KCNIP4: variants seen among roughly 807,000 people sequenced by gnomAD.
KCNIP4 encodes the protein potassium voltage-gated channel interacting protein 4, also known as Kv channel-interacting protein 4.
KCNIP4 carries 12 observed loss-of-function variants against 34.0 expected under a neutral mutation model. That is an observed-to-expected ratio of 0.35 (90% CI 0.23 to 0.57). KCNIP4 has a LOEUF of 0.57. Ranked by LOEUF, KCNIP4 falls within the 20% of genes least tolerant of loss-of-function variation. The pLI is 0.83. For missense variants in KCNIP4, 238 were observed against 311.7 expected (o/e 0.76, Z 1.78); for synonymous variants, 124 against 102.2 (o/e 1.21, Z -1.29).
chr4:21,234,702 C>T (rs1162372257), intron 1 of KCNIP4, among the ~76,000 whole-genome samples: 2 of 150,194 alleles, frequency 1.3e-5, no homozygotes, highest in African/African-American at 4.9e-5. Context: ...GGCTGGAGTA[C>T]AGTGGTGCAA....
At chr4:21,663,953 C>T (rs1056433766) in intron 1 of KCNIP4, among the ~76,000 whole-genome samples, 1 of 151,320 alleles carries the variant, frequency 6.6e-6, no homozygotes, top group South Asian at 2.1e-4. Context: ...TGTTTTGTTT[C>T]TTTTTTTTTG....
intron 1 of KCNIP4, among the ~76,000 whole-genome samples, chr4:21,597,575 C>T (rs986177184): frequency 2.0e-5 from 3 of 152,118 alleles, no homozygotes; most frequent in Non-Finnish European, 4.4e-5. Context: ...CCATCAAAGC[C>T]ACTTTCCTTC....
At chr4:21,079,549 C>T (rs1458933784) in intron 1 of KCNIP4, among the ~76,000 whole-genome samples, 2 of 150,236 alleles carry the variant, frequency 1.3e-5, no homozygotes, top group African/African-American at 5.0e-5. Context: ...TTCTTTCTTG[C>T]CACTGAACCT....
At chr4:21,780,170 G>A (rs1232184708) in intron 1 of KCNIP4, among the ~76,000 whole-genome samples, 2 of 151,206 alleles carry the variant, frequency 1.3e-5, no homozygotes, top group Non-Finnish European at 3.0e-5. Flanking sequence ...ACACAGAACA[G>A]GAGAAGGGGA....
chr4:21,941,948 C>T (rs910491561), intron 1 of KCNIP4, among the ~76,000 whole-genome samples: 1 of 152,100 alleles, frequency 6.6e-6, no homozygotes, highest in Non-Finnish European at 1.5e-5. Flanking sequence ...TTTTCTAATG[C>T]TACGTGCATG....
At chr4:21,635,056 A>G (rs966868752) in intron 1 of KCNIP4, among the ~76,000 whole-genome samples, 1 of 152,206 alleles carries the variant, frequency 6.6e-6, no homozygotes, top group African/African-American at 2.4e-5. Flanking sequence ...GTCATCTAAA[A>G]TTCTATCTTC....
intron 1 of KCNIP4, among the ~76,000 whole-genome samples, chr4:21,093,095 C>T (rs1435236794): frequency 6.6e-6 from 1 of 152,192 alleles, no homozygotes. Flanking sequence ...AAATCACTTG[C>T]TTCCCACCAT....
chr4:21,431,222 A>G (rs1358470058), intron 1 of KCNIP4, among the ~76,000 whole-genome samples: 2 of 152,098 alleles, frequency 1.3e-5, no homozygotes, highest in African/African-American at 2.4e-5. Flanking sequence ...AAGATACATA[A>G]GAACATCAAA....
At chr4:20,882,348 CA>C in intron 2 of KCNIP4, among the ~76,000 whole-genome samples, 1 of 152,100 alleles carries the variant, frequency 6.6e-6, no homozygotes, top group East Asian at 1.9e-4. Flanking sequence ...GTCCAGTCCC[CA>C]TCCCTTACAT....
At chr4:20,975,412 A>T (rs946512567) in intron 1 of KCNIP4, among the ~76,000 whole-genome samples, 1 of 152,212 alleles carries the variant, frequency 6.6e-6, no homozygotes, top group Non-Finnish European at 1.5e-5. Context: ...AGACAATAAT[A>T]CCGAAAATGA....
intron 1 of KCNIP4, among the ~76,000 whole-genome samples, chr4:21,815,709 T>C (rs1003816767): frequency 6.6e-6 from 1 of 152,194 alleles, no homozygotes; most frequent in African/African-American, 2.4e-5. Flanking sequence ...ATTTCCATTC[T>C]CATAAAAGTA....
At chr4:21,902,590 G>A (rs1727769073) in intron 1 of KCNIP4, among the ~76,000 whole-genome samples, 1 of 151,948 alleles carries the variant, frequency 6.6e-6, no homozygotes, top group African/African-American at 2.4e-5. Flanking sequence ...AAACTTTCAG[G>A]TCAAGGAAAT....
intron 6 of KCNIP4, 22 bp from the exon 7 acceptor site, chr4:20,732,807 C>T (rs192118917): frequency 2.0e-5 from 28 of 1,370,590 alleles, no homozygotes; most frequent in African/African-American, 1.9e-4. Context: ...AAGGCACTCA[C>T]GTGAGGCTGC....
chr4:21,295,950 A>ATG (rs397839051), intron 1 of KCNIP4, among the ~76,000 whole-genome samples: 13 of 150,376 alleles, frequency 8.6e-5, no homozygotes, highest in African/African-American at 2.9e-4. Flanking sequence ...GAATGAATGA[A>ATG]ATCCACTACA....
intron 1 of KCNIP4, among the ~76,000 whole-genome samples, chr4:21,243,326 C>G (rs1209026666): frequency 6.6e-6 from 1 of 152,124 alleles, no homozygotes; most frequent in Non-Finnish European, 1.5e-5. Context: ...AATAGTTTCA[C>G]AGGTAGATCG....
At chr4:21,572,339 T>C (rs779052389) in intron 1 of KCNIP4, among the ~76,000 whole-genome samples, 7 of 152,186 alleles carry the variant, frequency 4.6e-5, no homozygotes, top group Non-Finnish European at 4.4e-5. Context: ...GAAGAGTTTA[T>C]GATGGCCTCC....
intron 2 of KCNIP4, among the ~76,000 whole-genome samples, chr4:20,873,906 GCTC>G (rs1173305720): frequency 6.6e-6 from 1 of 152,122 alleles, no homozygotes; most frequent in East Asian, 1.9e-4. Context: ...TACCTAGAAT[GCTC>G]CTCCTTTTTT....
chr4:21,538,352 A>G (rs1233427598), intron 1 of KCNIP4, among the ~76,000 whole-genome samples: 1 of 152,190 alleles, frequency 6.6e-6, no homozygotes, highest in East Asian at 1.9e-4. Context: ...ATAAATATCC[A>G]TGTACCACAT....
chr4:21,178,057 T>C (rs1469222145), intron 1 of KCNIP4, among the ~76,000 whole-genome samples: 5 of 152,214 alleles, frequency 3.3e-5, no homozygotes, highest in East Asian at 3.9e-4. Flanking sequence ...TTTTTACTAT[T>C]AAAGCCTCAA....
Sources: allele counts gnomAD v4.1 joint callset (sites outside exome capture counted in the v4.1 genomes callset), GRCh38; gene constraint gnomAD v4.1.1; transcripts MANE v1.5; gene names NCBI Gene and HGNC (gene_info 2026-07-23, HGNC 2026-07-21).